The following EXOC6 variants were observed in gnomAD, a reference collection of about 807,000 sequenced individuals.
EXOC6 encodes exocyst complex component 6, also known as SEC15-like 1.
EXOC6 carries 60 observed loss-of-function variants against 112.5 expected under a neutral mutation model. The observed-to-expected ratio is 0.53, with a 90% CI of 0.43 to 0.66. The LOEUF (loss-of-function observed/expected upper bound fraction) is 0.66. Ranked by LOEUF, EXOC6 falls within the 30% of genes least tolerant of loss-of-function variation. The pLI is 0.00. For synonymous variants in EXOC6, 295 were observed against 308.0 expected, an observed-to-expected ratio of 0.96 and a Z score of 0.44; for missense variants, 855 against 957.1, an observed-to-expected ratio of 0.89 and a Z score of 1.41.
At chr10:92,915,529 A>G (rs948993163) in intron 6 of EXOC6, among the ~76,000 whole-genome samples, 8 of 149,076 alleles carry the variant, frequency 5.4e-5, no homozygotes, top group Non-Finnish European at 1.0e-4. Context: ...TGATGGTGCC[A>G]CTGTACTCCA....
chr10:92,911,223 C>T (rs1850743305), intron 6 of EXOC6, among the ~76,000 whole-genome samples: 3 of 151,712 alleles, frequency 2.0e-5, no homozygotes, highest in Admixed American at 2.0e-4. Context: ...TTTTTTTCCC[C>T]CAAGTATTAC....
intron 1 of EXOC6, among the ~76,000 whole-genome samples, chr10:92,875,189 A>G (rs1464795678): frequency 6.6e-6 from 1 of 152,208 alleles, no homozygotes; most frequent in Non-Finnish European, 1.5e-5. Context: ...GATATCTTTC[A>G]TATCAGTTAA....
At chr10:92,892,448 C>G (rs1849554779) in intron 1 of EXOC6, among the ~76,000 whole-genome samples, 1 of 152,316 alleles carries the variant, frequency 6.6e-6, no homozygotes, top group Middle Eastern at 3.4e-3. Flanking sequence ...GGAGTTTGGT[C>G]ATATAGCCAT....
intron 1 of EXOC6, among the ~76,000 whole-genome samples, chr10:92,874,053 A>AG (rs1848576088): frequency 6.6e-6 from 1 of 150,436 alleles, no homozygotes; most frequent in Non-Finnish European, 1.5e-5. Flanking sequence ...ACCATGTCAC[A>AG]GAAAAAAAAA....
chr10:92,869,019 A>G (rs1013383114), intron 1 of EXOC6, among the ~76,000 whole-genome samples: 14 of 151,984 alleles, frequency 9.2e-5, no homozygotes, highest in Non-Finnish European at 1.3e-4. Context: ...ATATTTTATC[A>G]TGTTAAGGAA....
intron 20 of EXOC6, among the ~76,000 whole-genome samples, chr10:93,040,575 A>G (rs1014986841): frequency 6.6e-6 from 1 of 152,202 alleles, no homozygotes; most frequent in Non-Finnish European, 1.5e-5. Context: ...GCCTAAAAAC[A>G]TTTTAGCTAT....
intron 20 of EXOC6, among the ~76,000 whole-genome samples, chr10:93,055,100 C>A (rs1018950038): frequency 6.6e-6 from 1 of 152,136 alleles, no homozygotes; most frequent in Non-Finnish European, 1.5e-5. Flanking sequence ...GCCTCAGTCT[C>A]CAGAGTAGCT....
At chr10:92,922,535 C>T (rs571476882) in intron 8 of EXOC6, among the ~76,000 whole-genome samples, 19 of 152,230 alleles carry the variant, frequency 1.2e-4, no homozygotes, top group African/African-American at 4.6e-4. Context: ...TGTAAGTCTA[C>T]TTTAGCCAAA....
intron 1 of EXOC6, among the ~76,000 whole-genome samples, chr10:92,891,261 G>T (rs1223625211): frequency 6.6e-6 from 1 of 152,140 alleles, no homozygotes; most frequent in East Asian, 1.9e-4. Context: ...TGAGTTTGAG[G>T]AGAGGTCAGG....
At chr10:93,046,887 C>G (rs893983528) in intron 20 of EXOC6, among the ~76,000 whole-genome samples, 3 of 152,106 alleles carry the variant, frequency 2.0e-5, no homozygotes, top group Non-Finnish European at 4.4e-5. Flanking sequence ...TGTGAGCCAC[C>G]ACGCCTGGCC....
chr10:92,969,787 G>A (rs1348531217), intron 17 of EXOC6, among the ~76,000 whole-genome samples: 2 of 151,944 alleles, frequency 1.3e-5, no homozygotes, highest in Non-Finnish European at 2.9e-5. Context: ...TCTGCCTTCC[G>A]GGTTCAAGCA....
At chr10:92,983,139 T>C (rs1842884753) in intron 18 of EXOC6, among the ~76,000 whole-genome samples, 1 of 152,224 alleles carries the variant, frequency 6.6e-6, no homozygotes, top group Non-Finnish European at 1.5e-5. Flanking sequence ...GCAGACAAAT[T>C]ATTTAACCTC....
chr10:93,033,792 A>T (rs917527055), intron 20 of EXOC6, among the ~76,000 whole-genome samples: 8 of 152,218 alleles, frequency 5.3e-5, no homozygotes, highest in African/African-American at 1.9e-4. Context: ...GGGAAAAAGA[A>T]GTGAGTGGTA....
chr10:93,009,318 G>GTGAT (rs1190681313), intron 19 of EXOC6, among the ~76,000 whole-genome samples: 2 of 152,160 alleles, frequency 1.3e-5, no homozygotes, highest in East Asian at 3.8e-4. Context: ...TAATCAACAA[G>GTGAT]CTACATAATA....
chr10:93,042,703 C>T (rs760052369), intron 20 of EXOC6, among the ~76,000 whole-genome samples: 23 of 152,076 alleles, frequency 1.5e-4, no homozygotes, highest in Non-Finnish European at 2.4e-4. Flanking sequence ...ATAAGTCACT[C>T]GATCTGTGGT....
chr10:92,893,205 T>A, intron 1 of EXOC6, 144 bp from the exon 2 acceptor site: 1 of 562,238 alleles, frequency 1.8e-6, no homozygotes, highest in South Asian at 3.6e-5. Flanking sequence ...ATAAAATACT[T>A]TCACGCAAAT....
At chr10:92,971,340 A>G (rs1589942802) in intron 17 of EXOC6, among the ~76,000 whole-genome samples, 1 of 72,332 alleles carries the variant, frequency 1.4e-5, no homozygotes, top group Non-Finnish European at 2.6e-5. Context: ...CACCACGCCC[A>G]GCCTAGTGAT....
At chr10:92,947,083 C>CA (rs112124563) in intron 13 of EXOC6, among the ~76,000 whole-genome samples, 3,341 of 152,194 alleles carry the variant, frequency 0.022, 127 homozygotes, top group African/African-American at 0.077. Flanking sequence ...AAATATTAAT[C>CA]AAAATTATTT....
upstream of EXOC6, among the ~76,000 whole-genome samples, chr10:92,846,800 G>A (rs1317262815): frequency 6.6e-6 from 1 of 152,160 alleles, no homozygotes; most frequent in African/African-American, 2.4e-5. Context: ...CATGACAAAG[G>A]GGGTATTGCA....
Sources: gnomAD v4.1 joint callset for allele counts (sites outside exome capture counted in the v4.1 genomes callset) on GRCh38, gnomAD v4.1.1 for gene constraint, MANE v1.5 for transcripts, NCBI Gene and HGNC (gene_info 2026-07-23, HGNC 2026-07-21) for gene names.